TRPM3: variants seen among roughly 807,000 people sequenced by gnomAD.
The protein encoded by TRPM3 is transient receptor potential cation channel subfamily M member 3, also known as long transient receptor potential channel 3.
TRPM3 carries 77 observed loss-of-function variants against 181.2 expected under a neutral mutation model. The observed-to-expected ratio is 0.42, with a 90% confidence interval of 0.35 to 0.51. TRPM3 has a LOEUF of 0.51. Ranked by LOEUF, TRPM3 falls within the 20% of genes least tolerant of loss-of-function variation. TRPM3 has a pLI of 0.01. For missense variants in TRPM3, 1,759 were observed against 2,196.7 expected (o/e 0.80, Z 3.98); for synonymous variants, 745 against 796.4 (o/e 0.94, Z 1.09).
intron 1 of TRPM3, among the ~76,000 whole-genome samples, chr9:71,142,791 T>C (rs2075188510): frequency 8.0e-6 from 1 of 124,476 alleles, no homozygotes. Context: ...GTTACTGTAC[T>C]GTAAATAGTA....
At position 70,536,051 on chromosome 9, in the gene TRPM3, T is replaced by G. The variant is rs1221285520; in HGVS notation, c.5062A>C (p.Ser1688Arg). 3.1e-6 allele frequency: 5 copies of G among 1,614,100 alleles called. No individual in the cohort carries two copies. The highest frequency in any genetic ancestry group is 3.4e-6 in the Non-Finnish European group (4 of 1,180,040). ...TASLRNPFQR[S>R]KSSKPEGRGD... The stretch of plus-strand genomic sequence containing the variant: ...CGGCCCTCCGGCTTGGAGGACTTGC[T>G]TCTCTGGAAGGGATTTCGCAGGCTT... Residue 1688 changes from serine (S) to arginine (R), a missense_variant, in exon 26 of 26, where the codon AGC becomes CGC. By Grantham distance (110) the Ser-to-Arg change is moderately radical. This residue lies in a region of TRPM3 where 612 missense variants were observed against 590.0 expected (regional missense o/e 1.04). Coordinates refer to ENST00000677713, the MANE Select transcript of TRPM3 (RefSeq NM_001366145.2).
chr9:71,374,580 T>C (rs1260708938), intron 1 of TRPM3, among the ~76,000 whole-genome samples: 1 of 152,092 alleles, frequency 6.6e-6, no homozygotes, highest in Non-Finnish European at 1.5e-5. Context: ...CAACATACTA[T>C]TGGAAGTTCT....
At chr9:70,690,357 G>A (rs2068157988) in intron 8 of TRPM3, among the ~76,000 whole-genome samples, 1 of 152,002 alleles carries the variant, frequency 6.6e-6, no homozygotes, top group Admixed American at 6.6e-5. Flanking sequence ...TTAACAATAG[G>A]CTTGAGCACA....
At chr9:70,547,535 CAA>C (rs58051483) in intron 25 of TRPM3, among the ~76,000 whole-genome samples, 11,462 of 119,168 alleles carry the variant, frequency 0.096, 1,110 homozygotes, top group African/African-American at 0.27. Flanking sequence ...CTTACAAATG[CAA>C]AAAAAAAAAA....
intron 1 of TRPM3, among the ~76,000 whole-genome samples, chr9:71,413,270 A>G (rs1410074342): frequency 1.3e-5 from 2 of 152,132 alleles, no homozygotes; most frequent in South Asian, 2.1e-4. Context: ...TAAAAAATTT[A>G]TAACTCATAT....
chr9:71,202,234 C>A (rs2078847870), intron 1 of TRPM3, among the ~76,000 whole-genome samples: 1 of 152,152 alleles, frequency 6.6e-6, no homozygotes, highest in Non-Finnish European at 1.5e-5. Context: ...TGTCAGTCTG[C>A]CCCTACCGGG....
At chr9:71,200,521 G>T (rs12376005) in intron 1 of TRPM3, among the ~76,000 whole-genome samples, 2 of 151,678 alleles carry the variant, frequency 1.3e-5, no homozygotes, top group Middle Eastern at 3.4e-3. Context: ...TCTCTTCGTA[G>T]GTCACTCAGG....
chr9:70,632,733 A>G (rs2066102896), intron 12 of TRPM3, among the ~76,000 whole-genome samples: 1 of 148,642 alleles, frequency 6.7e-6, no homozygotes, highest in South Asian at 2.1e-4. Flanking sequence ...GAAAAAAAAA[A>G]GCTGCTTTTA....
rs935914667 is a variant in TRPM3, at chr9:71,021,499, G to C, written c.177+99679C>G. On this transcript the variant is annotated intron_variant, in intron 1 of 25. Transcript: ENST00000677713. ...TATTAGGAACCTTTGTATTGAAATA[G>C]ACAAGGGGTTGTTACTTAGCACGCT... Among the ~76,000 whole-genome samples, 5 of 152,172 alleles carry C rather than the reference G, an allele frequency of 3.3e-5. No individual in the cohort carries two copies. In the East Asian group the frequency reaches 9.6e-4, roughly 29 times the overall value.
chr9:71,296,992 T>TTC (rs200454955), intron 1 of TRPM3, among the ~76,000 whole-genome samples: 1,637 of 143,184 alleles, frequency 0.011, 27 homozygotes, highest in African/African-American at 0.04. Context: ...TCTTTTCTTT[T>TTC]TTTTTTTTTT....
At position 70,535,990 on chromosome 9, in the gene TRPM3, G is replaced by A. The variant is rs895354230; in HGVS notation, c.5123C>T (p.Thr1708Ile). The change falls in exon 26 of 26, where the codon ACA (threonine) becomes ATA (isoleucine). Residue 1708 changes from threonine (T) to isoleucine (I), a missense_variant. Coordinates refer to ENST00000677713, the MANE Select transcript of TRPM3 (RefSeq NM_001366145.2). ...DSLSMRRLSRTSAFQSFESKH... is the reference protein window; with the variant it reads ...DSLSMRRLSRISAFQSFESKH... Reference sequence around the variant, plus strand: ...GCTTTCAAAGCTTTGGAAAGCCGATGTTCTGGACAGTCTCCTCATGGACAG... The same window carrying A: ...GCTTTCAAAGCTTTGGAAAGCCGATATTCTGGACAGTCTCCTCATGGACAG... The A allele has an allele frequency of 6.2e-7, 1 of 1,612,388 alleles. No homozygotes were observed. The highest frequency in any genetic ancestry group is 8.5e-7 in the Non-Finnish European group (1 of 1,179,278).
At chr9:71,379,230 A>T (rs1247576562) in intron 1 of TRPM3, among the ~76,000 whole-genome samples, 1 of 152,072 alleles carries the variant, frequency 6.6e-6, no homozygotes, top group Non-Finnish European at 1.5e-5. Flanking sequence ...GACAGAATGG[A>T]TCTACACTGT....
At chr9:70,757,830 C>G (rs1032160194) in intron 8 of TRPM3, among the ~76,000 whole-genome samples, 7 of 152,162 alleles carry the variant, frequency 4.6e-5, no homozygotes, top group African/African-American at 1.7e-4. Flanking sequence ...GAATGTATCT[C>G]AAAATAATAA....
intron 1 of TRPM3, among the ~76,000 whole-genome samples, chr9:70,999,081 T>C (rs2097573404): frequency 6.6e-6 from 1 of 152,156 alleles, no homozygotes; most frequent in African/African-American, 2.4e-5. Context: ...AAGATGAGTT[T>C]CTCATTTTTC....
At chr9:71,071,695 T>C (rs2062786534) in intron 1 of TRPM3, among the ~76,000 whole-genome samples, 1 of 152,132 alleles carries the variant, frequency 6.6e-6, no homozygotes, top group African/African-American at 2.4e-5. Flanking sequence ...GAAAGAGAAT[T>C]GACTTTAGTG....
chr9:70,640,469 A>G (rs1483634666), intron 10 of TRPM3, 91 bp downstream of exon 10: 2 of 962,076 alleles, frequency 2.1e-6, no homozygotes, highest in Non-Finnish European at 3.2e-6. Context: ...AGAAAAAGCA[A>G]TCGTTTTCTG....
intron 1 of TRPM3, among the ~76,000 whole-genome samples, chr9:71,316,379 A>G (rs569783601): frequency 6.6e-6 from 1 of 152,298 alleles, no homozygotes; most frequent in African/African-American, 2.4e-5. Context: ...ATGACATCTC[A>G]AAGATGTCCA....
chr9:70,535,455 C>A lies in TRPM3; in HGVS notation c.*498G>T. The stretch of plus-strand genomic sequence containing the variant: ...TATACTGAATAAAGAGGATGCTCTT[C>A]ATCAGTCACCAGTGATGGAGCCAAT... On this transcript the variant is annotated 3_prime_UTR_variant, in exon 26 of 26. Transcript: ENST00000677713. 1 of 1,550,552 alleles carries A rather than the reference C, an allele frequency of 6.4e-7. No homozygotes were observed. Among genetic ancestry groups the A allele is most frequent in the Non-Finnish European group, 8.7e-7 (1 of 1,147,002 alleles).
In TRPM3 at chr9:71,156,947, C is replaced by T. The variant is rs568633123; in HGVS notation, c.183+289706G>A. 7.2e-5 allele frequency among the ~76,000 whole-genome samples: 11 copies of T among 152,114 alleles called. 1 individual carries two copies. In the South Asian group the frequency reaches 2.3e-3, roughly 32 times the overall value. ...AAGTGATTTAAGTCATAACCCTTGT[C>T]ACAATGGGACTTCCACAGGAATTGT... On this transcript the variant is annotated intron_variant, in intron 1 of 24. Coordinates refer to the TRPM3 transcript ENST00000357533.
Sources: allele counts gnomAD v4.1 joint callset (sites outside exome capture counted in the v4.1 genomes callset), GRCh38; gene constraint gnomAD v4.1.1; regional missense constraint gnomAD v4.1.1; transcripts MANE v1.5; gene names NCBI Gene and HGNC (gene_info 2026-07-23, HGNC 2026-07-21).